The following SLCO3A1 variants were observed in gnomAD, a reference collection of about 807,000 sequenced individuals.
The protein encoded by SLCO3A1 is solute carrier organic anion transporter family member 3A1, also known as PGE1 transporter.
Under a neutral mutation model 63.1 loss-of-function variants are expected in SLCO3A1, and 27 were observed. That is an observed-to-expected ratio of 0.43 (90% confidence interval 0.32 to 0.59). The LOEUF is 0.59. SLCO3A1 is among the 20% of genes least tolerant of loss of function. SLCO3A1 has a pLI of 0.09. For synonymous variants in SLCO3A1, 473 were observed against 409.9 expected (o/e 1.15, Z -1.86); for missense variants, 773 against 945.8 (o/e 0.82, Z 2.40).
At chr15:91,962,964 A>AT (rs1900505720) in intron 2 of SLCO3A1, among the ~76,000 whole-genome samples, 1 of 152,204 alleles carries the variant, frequency 6.6e-6, no homozygotes, top group Admixed American at 6.5e-5. Flanking sequence ...ATCTGAAGAC[A>AT]TAAGTGATTA....
chr15:92,079,753 A>G (rs2047320509), intron 2 of SLCO3A1, among the ~76,000 whole-genome samples: 1 of 152,222 alleles, frequency 6.6e-6, no homozygotes, highest in Non-Finnish European at 1.5e-5. Flanking sequence ...TTGAGGGGTG[A>G]GTGCCTCGAG....
intron 1 of SLCO3A1, among the ~76,000 whole-genome samples, chr15:91,888,856 C>A (rs1567172461): frequency 6.6e-6 from 1 of 151,900 alleles, no homozygotes. Context: ...AAAAACAACA[C>A]CAATTAGCTG....
intron 2 of SLCO3A1, among the ~76,000 whole-genome samples, chr15:91,993,073 A>G (rs1281326278): frequency 6.6e-6 from 1 of 152,196 alleles, no homozygotes; most frequent in African/African-American, 2.4e-5. Flanking sequence ...GGCTTCAGTA[A>G]GCAGCCTCCA....
intron 1 of SLCO3A1, among the ~76,000 whole-genome samples, chr15:91,903,116 G>A (rs981236003): frequency 1.1e-4 from 16 of 152,162 alleles, no homozygotes; most frequent in African/African-American, 3.6e-4. Context: ...TGGCTCGCAC[G>A]TAGTCAGCTC....
intron 2 of SLCO3A1, among the ~76,000 whole-genome samples, chr15:92,034,748 C>T (rs1325275290): frequency 2.6e-5 from 4 of 151,980 alleles, no homozygotes; most frequent in East Asian, 1.9e-4. Flanking sequence ...GGGAAGGCCT[C>T]GTTCCCATGT....
At chr15:92,018,786 T>C (rs562526884) in intron 2 of SLCO3A1, among the ~76,000 whole-genome samples, 5 of 152,214 alleles carry the variant, frequency 3.3e-5, no homozygotes, top group Non-Finnish European at 7.4e-5. Context: ...TCCCCCAGTG[T>C]GTTCCCCATT....
rs924306707 is a variant in SLCO3A1 at position 91,942,318 on chromosome 15, A to G, written c.646+25860A>G. Reference sequence around the variant, plus strand: ...CAGAGCCTCCAGGACTTGATTAGATATTGTTACACAGTGGTGATATGAGAA... The same window carrying G: ...CAGAGCCTCCAGGACTTGATTAGATGTTGTTACACAGTGGTGATATGAGAA... On this transcript the variant is annotated intron_variant, in intron 2 of 9. Transcript: ENST00000318445. The surrounding 1 kb of genome is among the most constrained non-coding windows in gnomAD (Gnocchi z 4.1). Among the ~76,000 whole-genome samples the G allele has an allele frequency of 3.3e-5, 5 of 152,152 alleles. No homozygotes were observed. Among genetic ancestry groups the G allele is most frequent in the Non-Finnish European group, 4.4e-5 (3 of 68,012 alleles).
At chr15:91,887,015 C>G (rs1322438014) in intron 1 of SLCO3A1, among the ~76,000 whole-genome samples, 1 of 152,174 alleles carries the variant, frequency 6.6e-6, no homozygotes, top group Non-Finnish European at 1.5e-5. Flanking sequence ...TGGCCAAGCC[C>G]ATTTCCAGTG....
chr15:92,095,289 A>G (rs1348569287), intron 3 of SLCO3A1, among the ~76,000 whole-genome samples: 1 of 152,250 alleles, frequency 6.6e-6, no homozygotes, highest in Non-Finnish European at 1.5e-5. Context: ...GGCCTGGCAG[A>G]TAAGAATTTA....
intron 2 of SLCO3A1, among the ~76,000 whole-genome samples, chr15:91,965,860 G>A (rs1032299887): frequency 4.6e-5 from 7 of 152,026 alleles, no homozygotes; most frequent in African/African-American, 1.2e-4. Context: ...GCCCTTAGTC[G>A]ATTGAGCCAG....
At chr15:92,147,594 T>G (rs990017715) in intron 8 of SLCO3A1, among the ~76,000 whole-genome samples, 3 of 152,174 alleles carry the variant, frequency 2.0e-5, no homozygotes, top group African/African-American at 7.2e-5. Context: ...CCTGCCTGCC[T>G]CCTGCAGTGG....
chr15:92,120,094 C>G (rs1041347728), intron 4 of SLCO3A1, among the ~76,000 whole-genome samples: 55 of 151,478 alleles, frequency 3.6e-4, no homozygotes, highest in African/African-American at 1.2e-3. Context: ...CACACACACA[C>G]ATTTTTTTTT....
intron 2 of SLCO3A1, among the ~76,000 whole-genome samples, chr15:92,091,310 G>A (rs1488202796): frequency 2.0e-5 from 3 of 152,184 alleles, no homozygotes; most frequent in Non-Finnish European, 2.9e-5. Flanking sequence ...GAACCTGGAA[G>A]ACAGCAGGGG....
intron 2 of SLCO3A1, among the ~76,000 whole-genome samples, chr15:92,016,989 AG>A (rs1008985011): frequency 2.6e-5 from 4 of 152,086 alleles, no homozygotes; most frequent in African/African-American, 7.2e-5. Context: ...CTTCAAAGAG[AG>A]GAGAAGAAAA....
chr15:91,886,193 C>T lies in SLCO3A1; in HGVS notation c.181-29800C>T, dbSNP rs1261644072. Among the ~76,000 whole-genome samples the T allele has an allele frequency of 6.6e-6, 1 of 152,152 alleles. No individual in the cohort carries two copies. Among genetic ancestry groups the T allele is most frequent in the Non-Finnish European group, 1.5e-5 (1 of 68,012 alleles). On this transcript the variant is annotated intron_variant, in intron 1 of 9. Transcript: ENST00000318445. This position sits in a 1 kb window ranked among gnomAD's most constrained non-coding sequence, Gnocchi z 4.9. ...TGTCCTGCGCTTCCCCTTGGTCTCCCTTAGTTGTGCAATGGAAAGTAGTAG... is the reference window on the plus strand; with the variant it reads ...TGTCCTGCGCTTCCCCTTGGTCTCCTTTAGTTGTGCAATGGAAAGTAGTAG...
intron 2 of SLCO3A1, among the ~76,000 whole-genome samples, chr15:91,984,142 G>A (rs540476742): frequency 6.6e-6 from 1 of 152,172 alleles, no homozygotes; most frequent in Non-Finnish European, 1.5e-5. Flanking sequence ...GTGCTTTCCT[G>A]TTTAATTGCT....
chr15:92,023,800 T>C (rs1447869022), intron 2 of SLCO3A1, among the ~76,000 whole-genome samples: 1 of 152,194 alleles, frequency 6.6e-6, no homozygotes, highest in African/African-American at 2.4e-5. Context: ...AACTTAACTT[T>C]AAAAGTTGAG....
chr15:92,106,263 C>G (rs865858603), intron 4 of SLCO3A1, among the ~76,000 whole-genome samples: 64 of 152,160 alleles, frequency 4.2e-4, no homozygotes, highest in African/African-American at 1.5e-3. Flanking sequence ...AACTTAAGTT[C>G]CAGAATGCAC....
At chr15:92,130,181 T>A (rs2047975490) in intron 7 of SLCO3A1, among the ~76,000 whole-genome samples, 1 of 152,254 alleles carries the variant, frequency 6.6e-6, no homozygotes, top group Non-Finnish European at 1.5e-5. Context: ...AAAAATTGCA[T>A]TTCCCCTGAT....
Sources: gnomAD v4.1 joint callset for allele counts (sites outside exome capture counted in the v4.1 genomes callset) on GRCh38, gnomAD v4.1.1 for gene constraint, Gnocchi (gnomAD v3.1) non-coding constraint, MANE v1.5 for transcripts, NCBI Gene and HGNC (gene_info 2026-07-23, HGNC 2026-07-21) for gene names.